Variants in NPNT observed in about 807,000 individuals in gnomAD.
The protein encoded by NPNT is nephronectin, also known as preosteoblast EGF-like repeat protein with MAM domain.
Under a neutral mutation model 68.6 loss-of-function variants are expected in NPNT, and 45 were observed. The ratio of observed to expected loss-of-function variants is 0.66; its 90% CI spans 0.52 to 0.84. The LOEUF is 0.84. NPNT is among the 40% of genes least tolerant of loss of function. The pLI is 0.00. For synonymous variants in NPNT, 233 were observed against 253.3 expected (o/e 0.92, Z 0.76); for missense variants, 672 against 714.8 (o/e 0.94, Z 0.68).
intron 2 of NPNT, among the ~76,000 whole-genome samples, chr4:105,905,197 T>C (rs931769240): frequency 2.0e-4 from 31 of 152,182 alleles, no homozygotes; most frequent in African/African-American, 6.8e-4. Flanking sequence ...GACATTTTTG[T>C]ACCAAAATAC....
Position 105,897,938 on chromosome 4 carries a change from C to T in NPNT, c.109C>T (p.Arg37Cys), listed in dbSNP as rs372304586. The change falls in exon 2 of 12, where the codon CGT (arginine) becomes TGT (cysteine). Residue 37 changes from arginine (R) to cysteine (C), a missense_variant. Physicochemically the swap from Arg to Cys is radical, Grantham distance 180. Transcript: ENST00000379987. ...AATAGTGTCATCGATTGGCCTATGTCGTTATGGTGGGAGGATTGACTGCTG... is the reference window on the plus strand; with the variant it reads ...AATAGTGTCATCGATTGGCCTATGTTGTTATGGTGGGAGGATTGACTGCTG... Reference protein sequence around the residue: ...RQIVSSIGLCRYGGRIDCCWG... With the variant: ...RQIVSSIGLCCYGGRIDCCWG... 2.1e-5 allele frequency: 34 copies of T among 1,613,382 alleles called. No individual in the cohort carries two copies. The highest frequency in any genetic ancestry group is 2.8e-5 in the Non-Finnish European group (33 of 1,179,768).
intron 8 of NPNT, among the ~76,000 whole-genome samples, chr4:105,951,832 T>G (rs866906783): frequency 4.6e-5 from 7 of 152,234 alleles, no homozygotes; most frequent in Non-Finnish European, 1.5e-5. Flanking sequence ...AAGTCAGATT[T>G]TTTTTTGAAG....
chr4:105,923,270 A>G (rs899806850), intron 2 of NPNT, among the ~76,000 whole-genome samples: 3 of 152,112 alleles, frequency 2.0e-5, no homozygotes, highest in Admixed American at 6.6e-5. Flanking sequence ...TAGTTTTGAA[A>G]TGGTTATGCA....
intron 3 of NPNT, chr4:105,932,556 G>A: frequency 8.6e-7 from 1 of 1,164,216 alleles, no homozygotes; most frequent in Non-Finnish European, 1.2e-6. Flanking sequence ...AAGATTTTTA[G>A]GGCTAAAATT....
chr4:105,895,577 G>A lies in NPNT; in HGVS notation c.-76G>A. 3 of 1,211,772 alleles carry A rather than the reference G, an allele frequency of 2.5e-6. No homozygotes were observed. The highest frequency in any genetic ancestry group is 1.5e-5 in the African/African-American group (1 of 65,166). 75.1% of individuals were successfully genotyped at this position (1,211,772 alleles called of 1,614,324 possible). ...GGTTCCTCGAGACTCTCAGAGGGGC[G>A]CCTCCCATCGGCGCCCACCACCCCA... On this transcript the variant is annotated 5_prime_UTR_variant, in exon 1 of 12. Coordinates refer to ENST00000379987, the MANE Select transcript of NPNT (RefSeq NM_001033047.3).
At position 105,942,673 on chromosome 4, in the gene NPNT, A is replaced by G; in HGVS notation, c.1130A>G (p.Asp377Gly). ...ACAGTTGACAACAGGGTACAGACAGACCCTCAGAAACCCAGAGGAGATGTG... is the reference window on the plus strand; with the variant it reads ...ACAGTTGACAACAGGGTACAGACAGGCCCTCAGAAACCCAGAGGAGATGTG... ...GITVDNRVQTDPQKPRGDVFI... is the reference protein window; with the variant it reads ...GITVDNRVQTGPQKPRGDVFI... Residue 377 changes from aspartate (D) to glycine (G), a missense_variant, in exon 8 of 12, where the codon GAC (aspartate) becomes GGC (glycine). Transcript: ENST00000379987. 1.2e-6 allele frequency: 2 copies of G among 1,611,952 alleles called. No individual in the cohort carries two copies. The highest frequency in any genetic ancestry group is 1.7e-6 in the Non-Finnish European group (2 of 1,179,050).
At chr4:105,897,377 C>T (rs917926098) in intron 1 of NPNT, among the ~76,000 whole-genome samples, 1 of 152,120 alleles carries the variant, frequency 6.6e-6, no homozygotes, top group South Asian at 2.1e-4. Flanking sequence ...ACAGTTATGT[C>T]TCAAAAAGAG....
intron 2 of NPNT, among the ~76,000 whole-genome samples, chr4:105,926,179 T>A (rs1197661906): frequency 1.3e-5 from 2 of 152,210 alleles, no homozygotes; most frequent in African/African-American, 2.4e-5. Flanking sequence ...TCTGCACGTA[T>A]GTATATGGAT....
chr4:105,898,312 GTCTCTC>G (rs1386038909), intron 2 of NPNT, among the ~76,000 whole-genome samples: 1 of 39,166 alleles, frequency 2.6e-5, no homozygotes, highest in Non-Finnish European at 5.6e-5. Context: ...CTCTCTCTCT[GTCTCTC>G]TCTCTCTCTG....
At chr4:105,919,090 T>C (rs1728039292) in intron 2 of NPNT, among the ~76,000 whole-genome samples, 1 of 152,196 alleles carries the variant, frequency 6.6e-6, no homozygotes, top group African/African-American at 2.4e-5. Context: ...ACTCACAAGT[T>C]AAATAATAGT....
intron 11 of NPNT, among the ~76,000 whole-genome samples, chr4:105,968,685 T>C (rs1732359399): frequency 6.6e-6 from 1 of 152,248 alleles, no homozygotes; most frequent in Admixed American, 6.5e-5. Context: ...TAATTGATTC[T>C]GAGTAATGTG....
intron 2 of NPNT, among the ~76,000 whole-genome samples, chr4:105,914,353 TTCTCTCTC>T (rs1261276610): frequency 9.8e-5 from 13 of 132,216 alleles, no homozygotes; most frequent in Admixed American, 2.4e-4. Context: ...TCTCTCTCCA[TTCTCTCTC>T]TCTCTCTCTC....
intron 11 of NPNT, among the ~76,000 whole-genome samples, chr4:105,968,360 G>T (rs1330663227): frequency 6.6e-6 from 1 of 152,174 alleles, no homozygotes; most frequent in Admixed American, 6.5e-5. Context: ...TAAGGAGCAA[G>T]GATGCTCTAT....
At chr4:105,911,875 A>G in intron 2 of NPNT, 1 of 267,110 alleles carries the variant, frequency 3.7e-6, no homozygotes, top group South Asian at 4.7e-5. Context: ...TATTCTGGAA[A>G]TGAAAAATTG....
rs752217401 is a variant in NPNT, at chr4:105,897,969, GC to G, written c.141del (p.Trp48GlyfsTer43). ...RYGGRIDCCW[G>X]WARQSWGQCQ... ...GGTGGGAGGATTGACTGCTGCTGGGGCTGGGCTCGCCAGTCTTGGGGACAGT... is the reference window on the plus strand; with the variant it reads ...GGTGGGAGGATTGACTGCTGCTGGGGTGGGCTCGCCAGTCTTGGGGACAGT... On this transcript the variant is annotated frameshift_variant, in exon 2 of 12. Transcript: ENST00000379987. LOFTEE classifies it high-confidence loss of function. 8 of 1,612,810 alleles carry G rather than the reference GC, an allele frequency of 5.0e-6. No individual in the cohort carries two copies. Among genetic ancestry groups the G allele is most frequent in the Non-Finnish European group, 6.8e-6 (8 of 1,179,508 alleles).
At chr4:105,945,234 A>G (rs1730288382) in intron 8 of NPNT, among the ~76,000 whole-genome samples, 1 of 152,170 alleles carries the variant, frequency 6.6e-6, no homozygotes, top group African/African-American at 2.4e-5. Context: ...TGTGAAAGAG[A>G]GCTTTTCCTT....
At position 105,918,706 on chromosome 4, in the gene NPNT, C is replaced by T. The variant is rs538597651; in HGVS notation, c.173-8630C>T. ...TTACCTGCTGGAGGATGAGAACTTG[C>T]TCTCCTATTCATTTTTATATCCCCA... On this transcript the variant is annotated intron_variant, in intron 2 of 11. Transcript: ENST00000379987. Among the ~76,000 whole-genome samples, 56 of 152,216 alleles carry T rather than the reference C, an allele frequency of 3.7e-4. 1 individual carries two copies. The South Asian group carries it at 0.01, about 28-fold the overall frequency.
intron 3 of NPNT, 91 bp downstream of exon 3, chr4:105,927,519 G>T: frequency 3.1e-6 from 2 of 635,292 alleles, no homozygotes; most frequent in Non-Finnish European, 5.2e-6. Context: ...ACTTTCCATG[G>T]CTATTTTTCC....
At position 105,897,888 on chromosome 4, in the gene NPNT, T is replaced by C; in HGVS notation, c.72-13T>C. 1.3e-6 allele frequency: 2 copies of C among 1,596,720 alleles called. No homozygotes were observed. Among genetic ancestry groups the C allele is most frequent in the Non-Finnish European group, 1.7e-6 (2 of 1,164,274 alleles). On this transcript the variant is annotated splice_polypyrimidine_tract_variant and intron_variant, in intron 1 of 11. Transcript: ENST00000379987. ...AAGTGTCCTTATTTATTTTGAATCT[T>C]TTTTTTTGGTAGGTGGCCCAGGCAA...
Sources: gnomAD v4.1 joint callset for allele counts (sites outside exome capture counted in the v4.1 genomes callset) on GRCh38, gnomAD v4.1.1 for gene constraint, MANE v1.5 for transcripts, NCBI Gene and HGNC (gene_info 2026-07-23, HGNC 2026-07-21) for gene names.